Variants in TFDP1 observed in about 807,000 individuals in gnomAD.
The protein encoded by TFDP1 is transcription factor Dp-1.
TFDP1 carries 6 observed loss-of-function variants against 48.0 expected under a neutral mutation model. The observed-to-expected ratio is 0.13, with a 90% CI of 0.07 to 0.25. TFDP1 has a LOEUF of 0.25. Ranked by LOEUF, TFDP1 falls within the 10% of genes least tolerant of loss-of-function variation. The pLI is 1.00. For synonymous variants in TFDP1, 201 were observed against 211.6 expected (o/e 0.95, Z 0.44); for missense variants, 335 against 543.0 (o/e 0.62, Z 3.81).
At position 113,598,337 on chromosome 13, in the gene TFDP1, G is replaced by T. The variant is rs1339744627; in HGVS notation, c.12+12488G>T. Among the ~76,000 whole-genome samples the T allele has an allele frequency of 2.0e-5, 3 of 152,172 alleles. No individual in the cohort carries two copies. The highest frequency in any genetic ancestry group is 2.9e-5 in the Non-Finnish European group (2 of 68,034). ...CTGTTGTAGACTAGAGCATCATTTG[G>T]TGTTTTTCTGCTGGAAAAGCAGGCT... On this transcript the variant is annotated intron_variant, in intron 2 of 11. Transcript: ENST00000375370. The surrounding 1 kb of genome is among the most constrained non-coding windows in gnomAD (Gnocchi z 4.2).
At chr13:113,587,570 T>C (rs1375223934) in intron 2 of TFDP1, among the ~76,000 whole-genome samples, 3 of 149,484 alleles carry the variant, frequency 2.0e-5, no homozygotes, top group Non-Finnish European at 3.0e-5. Flanking sequence ...CTGCAACCTC[T>C]GTCTCCTGGG....
At chr13:113,631,887 A>C in intron 5 of TFDP1, 143 bp downstream of exon 5, 1 of 1,210,296 alleles carries the variant, frequency 8.3e-7, no homozygotes, top group East Asian at 2.6e-5. Context: ...ACACTCACCC[A>C]TCATCGTGGC....
chr13:113,637,317 CTGAGA>C, intron 10 of TFDP1: 1 of 280,052 alleles, frequency 3.6e-6, no homozygotes, highest in Non-Finnish European at 7.0e-6. Flanking sequence ...GATTTATTCC[CTGAGA>C]GGGTCAGAGA....
chr13:113,610,340 C>T (rs4150725), intron 2 of TFDP1, among the ~76,000 whole-genome samples: 102 of 151,290 alleles, frequency 6.7e-4, no homozygotes, highest in African/African-American at 1.8e-3. Context: ...TACTGTCATG[C>T]GTGTGCCCCC....
intron 2 of TFDP1, among the ~76,000 whole-genome samples, chr13:113,591,168 C>G (rs1006498075): frequency 2.0e-5 from 3 of 151,408 alleles, no homozygotes; most frequent in Non-Finnish European, 4.4e-5. Flanking sequence ...ATGGCAAAAC[C>G]CTGTCTCTAC....
chr13:113,621,604 G>A (rs2048996278), intron 3 of TFDP1, among the ~76,000 whole-genome samples: 1 of 152,216 alleles, frequency 6.6e-6, no homozygotes, highest in Non-Finnish European at 1.5e-5. Flanking sequence ...GAGCTGAGGG[G>A]ACATAGTGAG....
chr13:113,605,890 AGTGTCCAAGGCGGCGCGGTGATG>A (rs1566647913), intron 2 of TFDP1, among the ~76,000 whole-genome samples: 8 of 130,952 alleles, frequency 6.1e-5, no homozygotes, highest in African/African-American at 2.7e-4. Flanking sequence ...TGCGGTGATG[AGTGTCCAAGGCGGCGCGGTGATG>A]AGTGTCCATA....
chr13:113,639,895 A>G (rs1165159732), intron 11 of TFDP1, among the ~76,000 whole-genome samples: 2 of 152,332 alleles, frequency 1.3e-5, no homozygotes, highest in South Asian at 4.1e-4. Flanking sequence ...TTCTGTCGTT[A>G]TGGGTTCCAG....
chr13:113,592,989 T>C (rs992124277), intron 2 of TFDP1, among the ~76,000 whole-genome samples: 3 of 146,362 alleles, frequency 2.0e-5, no homozygotes, highest in African/African-American at 7.7e-5. Context: ...AGGTGACAGG[T>C]GTGCTGTGCA....
At chr13:113,613,643 GTC>G (rs965760806) in intron 3 of TFDP1, among the ~76,000 whole-genome samples, 5 of 150,294 alleles carry the variant, frequency 3.3e-5, no homozygotes, top group Non-Finnish European at 7.4e-5. Flanking sequence ...GTGCATGTGT[GTC>G]TGCGTGAATG....
intron 2 of TFDP1, among the ~76,000 whole-genome samples, chr13:113,597,034 G>A (rs1160123230): frequency 1.3e-5 from 2 of 152,168 alleles, no homozygotes; most frequent in African/African-American, 4.8e-5. Flanking sequence ...CGGCGCCATT[G>A]TCAGGGTGGG....
intron 3 of TFDP1, among the ~76,000 whole-genome samples, chr13:113,622,537 T>C (rs558497493): frequency 5.3e-5 from 8 of 152,370 alleles, no homozygotes; most frequent in Middle Eastern, 3.4e-3. Context: ...TTTTGAACTT[T>C]ATCATTACTA....
Position 113,636,083 on chromosome 13 carries a change from A to G in TFDP1, c.794A>G (p.Asn265Ser). ...ATCCACCTGCCCTTCATCATCGTCAACACCAGCAAGAAGACGGTCATCGAC... is the reference window on the plus strand; with the variant it reads ...ATCCACCTGCCCTTCATCATCGTCAGCACCAGCAAGAAGACGGTCATCGAC... ...SVIHLPFIIV[N>S]TSKKTVIDCS... Residue 265 changes from asparagine to serine, a missense_variant, in exon 9 of 12, where the codon AAC becomes AGC. By Grantham distance (46) the Asn-to-Ser change is conservative. Coordinates refer to ENST00000375370, the MANE Select transcript of TFDP1 (RefSeq NM_007111.5). The G allele has an allele frequency of 6.2e-7, 1 of 1,614,212 alleles. No individual in the cohort carries two copies. Among genetic ancestry groups the G allele is most frequent in the Non-Finnish European group, 8.5e-7 (1 of 1,180,028 alleles).
intron 3 of TFDP1, among the ~76,000 whole-genome samples, chr13:113,618,224 T>G (rs2048910631): frequency 6.6e-6 from 1 of 152,136 alleles, no homozygotes; most frequent in African/African-American, 2.4e-5. Context: ...TATTGCCAGA[T>G]TAAAACTAAA....
chr13:113,586,259 G>A (rs1747983501), intron 2 of TFDP1: 2 of 160,346 alleles, frequency 1.2e-5, no homozygotes, highest in South Asian at 2.0e-4. Flanking sequence ...GGCTCAGGCT[G>A]TAGCCACCTG....
Position 113,623,660 on chromosome 13 carries a change from T to C in TFDP1, c.186+374T>C, listed in dbSNP as rs1464827666. The stretch of plus-strand genomic sequence containing the variant: ...ACGTGATGTGGCCGAGCGTTGGCTG[T>C]GGCCCTCCTGGAGACATCAGGCTGG... On this transcript the variant is annotated intron_variant, in intron 4 of 11. Transcript: ENST00000375370. This position sits in a 1 kb window ranked among gnomAD's most constrained non-coding sequence, Gnocchi z 5.2. 1.3e-5 allele frequency among the ~76,000 whole-genome samples: 2 copies of C among 152,196 alleles called. No individual in the cohort carries two copies. Among genetic ancestry groups the C allele is most frequent in the African/African-American group, 4.8e-5 (2 of 41,450 alleles).
At chr13:113,620,733 A>G (rs770013090) in intron 3 of TFDP1, among the ~76,000 whole-genome samples, 20 of 152,236 alleles carry the variant, frequency 1.3e-4, no homozygotes, top group Non-Finnish European at 2.2e-4. Context: ...TACCTTTCAC[A>G]TATATAAAAC....
intron 4 of TFDP1, among the ~76,000 whole-genome samples, 196 bp from the exon 5 acceptor site, chr13:113,631,427 A>G (rs1007900183): frequency 2.0e-5 from 3 of 152,176 alleles, no homozygotes; most frequent in Admixed American, 2.0e-4. Flanking sequence ...AAGATGAGCC[A>G]CATTCAGAAC....
At chr13:113,615,180 C>T (rs2140429987) in intron 3 of TFDP1, among the ~76,000 whole-genome samples, 1 of 152,300 alleles carries the variant, frequency 6.6e-6, no homozygotes, top group Non-Finnish European at 1.5e-5. Flanking sequence ...TTAGTTGTGG[C>T]TGTTTGGGTT....
Sources: gnomAD v4.1 joint callset for allele counts (sites outside exome capture counted in the v4.1 genomes callset) on GRCh38, gnomAD v4.1.1 for gene constraint, Gnocchi (gnomAD v3.1) non-coding constraint, MANE v1.5 for transcripts, NCBI Gene and HGNC (gene_info 2026-07-23, HGNC 2026-07-21) for gene names.